FRAS1: variants seen among roughly 807,000 people sequenced by gnomAD.
FRAS1 encodes Fraser extracellular matrix complex subunit 1, also known as extracellular matrix organizing protein FRAS1.
A neutral mutation model predicts 435.2 loss-of-function variants in FRAS1; 290 were observed. That is an observed-to-expected ratio of 0.67 (90% CI 0.61 to 0.73). FRAS1 has a LOEUF of 0.73. FRAS1 is among the 30% of genes least tolerant of loss of function. The probability of loss-of-function intolerance (pLI) is 0.00; values close to 1 mark genes in which losing one functional copy is unlikely to be tolerated. For missense variants in FRAS1, 4,860 were observed against 5,001.5 expected, an observed-to-expected ratio of 0.97 and a Z score of 0.85; for synonymous variants, 1,800 against 1,851.0, an observed-to-expected ratio of 0.97 and a Z score of 0.71.
chr4:78,382,215 G>A (rs1246881195), intron 27 of FRAS1, among the ~76,000 whole-genome samples: 1 of 150,440 alleles, frequency 6.6e-6, no homozygotes, highest in Admixed American at 6.6e-5. Flanking sequence ...ACCCTTATTT[G>A]ATAGGAAGTA....
chr4:78,324,547 G>A (rs986077786), intron 18 of FRAS1, among the ~76,000 whole-genome samples: 2 of 152,036 alleles, frequency 1.3e-5, no homozygotes, highest in African/African-American at 4.8e-5. Flanking sequence ...TGAAAATCTT[G>A]AAAGTTTGCA....
At chr4:78,162,056 A>C (rs1721166607) in intron 2 of FRAS1, among the ~76,000 whole-genome samples, 1 of 152,178 alleles carries the variant, frequency 6.6e-6, no homozygotes, top group Non-Finnish European at 1.5e-5. Context: ...AATATAAAAA[A>C]GCATAAGTAT....
At chr4:78,469,934 G>A (rs762693179) in intron 50 of FRAS1, 44 bp from the exon 51 acceptor site, 1 of 1,398,918 alleles carries the variant, frequency 7.1e-7, no homozygotes, top group South Asian at 1.2e-5. Flanking sequence ...ACATACTTCA[G>A]GTACTTGTGA....
At position 78,315,750 on chromosome 4, in the gene FRAS1, CCAT is replaced by C. The variant is rs567150926; in HGVS notation, c.1819+28_1819+30del. 4.3e-5 allele frequency: 69 copies of C among 1,613,420 alleles called. 2 individuals are homozygous for C. In the South Asian group the frequency reaches 6.9e-4, roughly 16 times the overall value. On this transcript the variant is annotated intron_variant, in intron 16 of 73. Transcript: ENST00000512123. Reference sequence around the variant, plus strand: ...AGGTGCAAAGGTAAGAGATGGGTCACCATCATCATCATCAAAAAGTATTGAGTA... The same window carrying C: ...AGGTGCAAAGGTAAGAGATGGGTCACCATCATCATCAAAAAGTATTGAGTA...
rs150680111 is a variant in FRAS1, at chr4:78,507,550, C to T, written c.9446C>T (p.Thr3149Met). 1,351 of 1,611,234 alleles carry T rather than the reference C, an allele frequency of 8.4e-4. 6 individuals are homozygous for T. In the Middle Eastern group the frequency reaches 0.012, roughly 15 times the overall value. Residue 3149 changes from threonine to methionine, a missense_variant, in exon 62 of 74, where the codon ACG (threonine) becomes ATG (methionine). Transcript: ENST00000512123. ...GTTCTTGGGGATGTGACTACTGCCA[C>T]GGTGACAATTCTAGACCAGGAGGCA... ...EAVLGDVTTA[T>M]VTILDQEAAG... is the part of the protein sequence containing the mutation.
chr4:78,455,394 G>A (rs1719158057), intron 47 of FRAS1, among the ~76,000 whole-genome samples: 1 of 150,884 alleles, frequency 6.6e-6, no homozygotes, highest in Non-Finnish European at 1.5e-5. Context: ...GGGTGAGGAT[G>A]GGTTTACCAG....
chr4:78,330,520 G>A (rs1729903936), intron 18 of FRAS1, among the ~76,000 whole-genome samples: 1 of 152,202 alleles, frequency 6.6e-6, no homozygotes, highest in Admixed American at 6.5e-5. Flanking sequence ...AAAGCAAATG[G>A]GAGAAATATC....
At chr4:78,412,941 A>C in intron 31 of FRAS1, 28 bp from the exon 32 acceptor site, 1 of 1,434,756 alleles carries the variant, frequency 7.0e-7, no homozygotes, top group Non-Finnish European at 9.6e-7. Context: ...AGAAGATGAG[A>C]GGCTCACCAG....
At chr4:78,085,789 C>T (rs567969550) in intron 2 of FRAS1, among the ~76,000 whole-genome samples, 2 of 152,270 alleles carry the variant, frequency 1.3e-5, no homozygotes, top group East Asian at 1.9e-4. Flanking sequence ...TCCTTAGTGA[C>T]ATACAAAGAG....
intron 2 of FRAS1, among the ~76,000 whole-genome samples, chr4:78,173,672 C>G (rs1193503003): frequency 6.6e-6 from 1 of 152,336 alleles, no homozygotes; most frequent in East Asian, 1.9e-4. Context: ...CATTCTTACT[C>G]AACTCACGTC....
intron 2 of FRAS1, among the ~76,000 whole-genome samples, chr4:78,196,787 A>G (rs1053506300): frequency 1.3e-5 from 2 of 152,208 alleles, no homozygotes; most frequent in African/African-American, 4.8e-5. Context: ...TGTCCTCTTT[A>G]TCATATAAGA....
At chr4:78,284,600 C>A (rs1727493665) in intron 13 of FRAS1, 52 bp downstream of exon 13, 1 of 1,500,142 alleles carries the variant, frequency 6.7e-7, no homozygotes, top group African/African-American at 1.4e-5. Flanking sequence ...GAGATAGACT[C>A]ATCAAAGGTT....
At chr4:78,325,641 A>T (rs1292544348) in intron 18 of FRAS1, among the ~76,000 whole-genome samples, 1 of 152,126 alleles carries the variant, frequency 6.6e-6, no homozygotes, top group Non-Finnish European at 1.5e-5. Context: ...GGCTTTGGGG[A>T]TAGAAAGATG....
chr4:78,361,108 A>T (rs1463572924), intron 20 of FRAS1, among the ~76,000 whole-genome samples: 4 of 152,242 alleles, frequency 2.6e-5, no homozygotes. Flanking sequence ...TCCAATCCTA[A>T]CATTTACCCA....
chr4:78,140,630 C>CATATACATATGTGTATATGTATATACGT (rs1361998660), intron 2 of FRAS1, among the ~76,000 whole-genome samples: 5 of 150,772 alleles, frequency 3.3e-5, no homozygotes, highest in Non-Finnish European at 5.9e-5. Context: ...TGTGTATACG[C>CATATACATATGTGTATATGTATATACGT]ATATACATAT....
rs546319416 is a variant in FRAS1 at position 78,356,383 on chromosome 4, C to T, written c.2423-7130C>T. ...AACAACTGTGTGGGAGCTACCTACTCGGTACCACTGATTTGGCCAAATTCC... is the reference window on the plus strand; with the variant it reads ...AACAACTGTGTGGGAGCTACCTACTTGGTACCACTGATTTGGCCAAATTCC... On this transcript the variant is annotated intron_variant, in intron 20 of 73. Transcript: ENST00000512123. Among the ~76,000 whole-genome samples, 51 of 152,240 alleles carry T rather than the reference C, an allele frequency of 3.3e-4. 1 individual carries two copies. In the East Asian group the frequency reaches 7.9e-3, roughly 24 times the overall value.
intron 1 of FRAS1, among the ~76,000 whole-genome samples, chr4:78,064,898 T>C (rs1463817363): frequency 6.6e-6 from 1 of 151,744 alleles, no homozygotes; most frequent in Non-Finnish European, 1.5e-5. Flanking sequence ...TTGGTGTGTA[T>C]ATACTGTTCA....
chr4:78,488,813 C>A, intron 58 of FRAS1, 62 bp from the exon 59 acceptor site: 1 of 1,483,748 alleles, frequency 6.7e-7, no homozygotes, highest in South Asian at 1.2e-5. Context: ...TGACAAGGAC[C>A]ATGGCCACAG....
rs555034628 is a variant in FRAS1, at chr4:78,321,774, G to A, written c.2137+2788G>A. 5.9e-5 allele frequency among the ~76,000 whole-genome samples: 9 copies of A among 151,536 alleles called. No homozygotes were observed. In the South Asian group the frequency reaches 8.4e-4, roughly 14 times the overall value. On this transcript the variant is annotated intron_variant, in intron 18 of 73. Coordinates refer to ENST00000512123, the MANE Select transcript of FRAS1 (RefSeq NM_025074.7). ...GCAGGAGAATAGCTTGAACTCGGGGGCGGGGGTTACAGTGAGCTGAGATCA... is the reference window on the plus strand; with the variant it reads ...GCAGGAGAATAGCTTGAACTCGGGGACGGGGGTTACAGTGAGCTGAGATCA...
Sources: gnomAD v4.1 joint callset for allele counts (sites outside exome capture counted in the v4.1 genomes callset) on GRCh38, gnomAD v4.1.1 for gene constraint, MANE v1.5 for transcripts, NCBI Gene and HGNC (gene_info 2026-07-23, HGNC 2026-07-21) for gene names.